Variants in PAX6 observed in about 807,000 individuals in gnomAD.
PAX6 encodes paired box 6, also known as paired box protein Pax-6.
In PAX6, 7 loss-of-function variants were observed where a neutral mutation model predicts 60.7. The ratio of observed to expected loss-of-function variants is 0.12; its 90% CI spans 0.07 to 0.22. The LOEUF (loss-of-function observed/expected upper bound fraction) is 0.22, where lower values mean the gene tolerates loss of function less well. Ranked by LOEUF, PAX6 falls within the 10% of genes least tolerant of loss-of-function variation. The pLI, the probability that PAX6 is intolerant of heterozygous loss-of-function variation, is 1.00. For missense variants in PAX6, 355 were observed against 555.2 expected (o/e 0.64, Z 3.62); for synonymous variants, 208 against 201.2 (o/e 1.03, Z -0.29).
chr11:31,813,878 G>C (rs1018047439), upstream of PAX6, among the ~76,000 whole-genome samples: 5 of 152,126 alleles, frequency 3.3e-5, no homozygotes, highest in African/African-American at 1.2e-4. Context: ...CTACCTCGTG[G>C]GGAGCCTCAC....
At chr11:31,801,521 G>A in intron 7 of PAX6, 40 bp downstream of exon 7, 1 of 1,613,694 alleles carries the variant, frequency 6.2e-7, no homozygotes, top group Non-Finnish European at 8.5e-7. Context: ...GAGAGCATTG[G>A]GCTTAGGGCA....
Position 31,789,817 on chromosome 11 carries a change from T to TG in PAX6, c.*116dup, listed in dbSNP as rs1949169503. 1 of 899,874 alleles carries TG rather than the reference T, an allele frequency of 1.1e-6. No individual in the cohort carries two copies. The highest frequency in any genetic ancestry group is 2.6e-5 in the East Asian group (1 of 38,038). The allele number at this position is 899,874 out of a possible 1,614,324, so 55.7% of individuals were successfully genotyped here. A position where few individuals can be genotyped will look rare whatever the true frequency, so the allele number is the denominator to read the frequency against. On this transcript the variant is annotated 3_prime_UTR_variant, in exon 14 of 14. Coordinates refer to ENST00000640368, the MANE Select transcript of PAX6 (RefSeq NM_001368894.2). ...ACAATACAGGACACAATTGTAGAAC[T>TG]GAAGCGGCTCTAACAGCCATTTTTC...
At chr11:31,794,823 TGG>T in intron 8 of PAX6, 35 bp from the exon 9 acceptor site, 3 of 1,609,152 alleles carry the variant, frequency 1.9e-6, no homozygotes, top group Non-Finnish European at 2.6e-6. Context: ...AAGAGAAATT[TGG>T]ATTAACTTGG....
rs941876736 is a variant in PAX6 at position 31,789,816 on chromosome 11, C to A, written c.*118G>T. The A allele has an allele frequency of 2.3e-5, 21 of 894,712 alleles. No individual in the cohort carries two copies. Among genetic ancestry groups the A allele is most frequent in the Non-Finnish European group, 3.5e-5 (19 of 550,166 alleles). The allele number at this position is 894,712 out of a possible 1,614,324, so 55.4% of individuals were successfully genotyped here. On this transcript the variant is annotated 3_prime_UTR_variant, in exon 14 of 14. Coordinates refer to ENST00000640368, the MANE Select transcript of PAX6 (RefSeq NM_001368894.2). ...TACAATACAGGACACAATTGTAGAA[C>A]TGAAGCGGCTCTAACAGCCATTTTT...
intron 7 of PAX6, 111 bp from the exon 8 acceptor site, chr11:31,800,967 C>G: frequency 8.9e-7 from 1 of 1,118,088 alleles, no homozygotes; most frequent in South Asian, 1.3e-5. Context: ...TTAAAAAGCT[C>G]CCAGCCACCC....
At chr11:31,802,915 G>C in intron 4 of PAX6, 81 bp from the exon 5 acceptor site, 3 of 1,328,716 alleles carry the variant, frequency 2.3e-6, no homozygotes, top group Non-Finnish European at 3.2e-6. Context: ...GAAGAAGGAA[G>C]AGGAAGATGA....
chr11:31,794,183 C>T, intron 9 of PAX6, 69 bp from the exon 10 acceptor site: 3 of 1,039,686 alleles, frequency 2.9e-6, no homozygotes, highest in Non-Finnish European at 4.6e-6. Flanking sequence ...AACTGTGCAT[C>T]AAACTGGTTC....
At chr11:31,799,451 T>C (rs1020988163) in intron 8 of PAX6, among the ~76,000 whole-genome samples, 1 of 152,314 alleles carries the variant, frequency 6.6e-6, no homozygotes, top group East Asian at 1.9e-4. Flanking sequence ...TAATTGGCAA[T>C]TGGTGCCGAA....
chr11:31,810,038 G>GAGTGGA (rs1006795865), intron 2 of PAX6: 7 of 152,524 alleles, frequency 4.6e-5, no homozygotes, highest in African/African-American at 1.7e-4. Flanking sequence ...TTGGGGGCAA[G>GAGTGGA]AGCCCGGGGG....
chr11:31,817,649 C>T (rs1037160176), intron 1 of PAX6, among the ~76,000 whole-genome samples: 1 of 152,358 alleles, frequency 6.6e-6, no homozygotes, highest in South Asian at 2.1e-4. Flanking sequence ...CCTATCCCTC[C>T]CTCAGTAACT....
chr11:31,802,156 T>C (rs1180147004), intron 5 of PAX6: 1 of 533,948 alleles, frequency 1.9e-6, no homozygotes, highest in African/African-American at 1.9e-5. Flanking sequence ...TGGCGTTATG[T>C]TTTAAAGAAC....
chr11:31,799,045 T>C (rs1337117226), intron 8 of PAX6, among the ~76,000 whole-genome samples: 1 of 152,206 alleles, frequency 6.6e-6, no homozygotes, highest in African/African-American at 2.4e-5. Flanking sequence ...GGCCAGACTC[T>C]TGTCAGGGGA....
At chr11:31,790,330 G>A (rs1450956978) in intron 13 of PAX6, 3 of 697,598 alleles carry the variant, frequency 4.3e-6, no homozygotes, top group Admixed American at 4.0e-5. Context: ...GAAAACCAAT[G>A]TGTCACTTTT....
intron 4 of PAX6, 182 bp downstream of exon 4, chr11:31,806,220 A>G (rs1955757747): frequency 1.7e-6 from 1 of 589,414 alleles, no homozygotes; most frequent in Non-Finnish European, 2.9e-6. Flanking sequence ...GAGAAGAGCC[A>G]AGCAAACGCC....
intron 9 of PAX6, 103 bp from the exon 10 acceptor site, chr11:31,794,217 C>A (rs2134619552): frequency 1.2e-6 from 1 of 814,182 alleles, no homozygotes; most frequent in Non-Finnish European, 2.2e-6. Context: ...CCCATTACCT[C>A]CAACCAATTC....
chr11:31,816,686 G>C (rs1485220445), intron 1 of PAX6: 1 of 631,986 alleles, frequency 1.6e-6, no homozygotes, highest in East Asian at 2.9e-5. Context: ...CCCGTTTCCA[G>C]GTGAGGTGAG....
intron 7 of PAX6, 98 bp from the exon 8 acceptor site, chr11:31,800,954 C>T (rs1953623400): frequency 1.5e-6 from 2 of 1,322,742 alleles, no homozygotes; most frequent in African/African-American, 1.4e-5. Flanking sequence ...AACTCTCAAC[C>T]CGTTAAAAAG....
chr11:31,809,000 A>C (rs1037689638), intron 2 of PAX6, among the ~76,000 whole-genome samples: 1 of 152,182 alleles, frequency 6.6e-6, no homozygotes, highest in Non-Finnish European at 1.5e-5. Flanking sequence ...ACCACAAGAG[A>C]GTGGTCACTG....
chr11:31,817,243 C>A (rs1371562163), intron 1 of PAX6, among the ~76,000 whole-genome samples: 1 of 152,276 alleles, frequency 6.6e-6, no homozygotes, highest in Non-Finnish European at 1.5e-5. Context: ...GCTCTGTCGG[C>A]CGCATTCTTT....
Sources: allele counts gnomAD v4.1 joint callset (sites outside exome capture counted in the v4.1 genomes callset), GRCh38; gene constraint gnomAD v4.1.1; transcripts MANE v1.5; gene names NCBI Gene and HGNC (gene_info 2026-07-23, HGNC 2026-07-21).